Variants in CTU2 observed in about 807,000 individuals in gnomAD.
The protein encoded by CTU2 is cytoplasmic tRNA 2-thiolation protein 2.
In CTU2, 80 loss-of-function variants were observed where a neutral mutation model predicts 64.1. The observed-to-expected ratio is 1.25, with a 90% CI of 1.04 to 1.50. The LOEUF is 1.50. CTU2 is among the 40% of genes most tolerant of loss of function. CTU2 has a pLI of 0.00. For synonymous variants in CTU2, 482 were observed against 285.3 expected (o/e 1.69, Z -6.95); for missense variants, 1,110 against 690.2 (o/e 1.61, Z -6.81).
chr16:88,712,729 G>A lies in CTU2; in HGVS notation c.561G>A (p.Val187=), dbSNP rs1349204707. ...AVDSFLQQQH[V]LGAGGGPGPT... is the part of the protein sequence containing the mutation. ...ACAGCTTCCTCCAGCAGCAGCATGT[G>A]CTGGGGGCCGGGGGTGGTCCTGGCC... Residue 187 remains valine (V), a synonymous_variant, in exon 7 of 15, where the codon GTG becomes GTA. Transcript: ENST00000453996. 6 of 1,609,354 alleles carry A rather than the reference G, an allele frequency of 3.7e-6. No individual in the cohort carries two copies. Among genetic ancestry groups the A allele is most frequent in the Non-Finnish European group, 5.1e-6 (6 of 1,178,842 alleles).
intron 13 of CTU2, 39 bp from the exon 14 acceptor site, chr16:88,715,009 G>C: frequency 1.9e-6 from 3 of 1,590,940 alleles, no homozygotes; most frequent in South Asian, 1.1e-5. Context: ...GGGGGTGCTG[G>C]CAGGTTTCTT....
Position 88,709,949 on chromosome 16 carries a change from A to G in CTU2, c.155A>G (p.Lys52Arg). Residue 52 changes from lysine to arginine, a missense_variant, in exon 3 of 15, where the codon AAG becomes AGG. Physicochemically the swap from Lys to Arg is conservative, Grantham distance 26. Transcript: ENST00000453996. ...GGTCTGTGTTGCAGGGACTGTTTCAAGGCCTTCTACGTCCACAAGTTCAGA... is the reference window on the plus strand; with the variant it reads ...GGTCTGTGTTGCAGGGACTGTTTCAGGGCCTTCTACGTCCACAAGTTCAGA... The part of the protein sequence containing the change: ...AGDAFCRDCF[K>R]AFYVHKFRAM... The G allele has an allele frequency of 6.2e-7, 1 of 1,613,940 alleles. No homozygotes were observed. The highest frequency in any genetic ancestry group is 1.3e-5 in the African/African-American group (1 of 75,044).
rs572190306 is a variant in CTU2, at chr16:88,715,363, A to C, written c.*112A>C. The C allele has an allele frequency of 3.4e-5, 42 of 1,224,878 alleles. No homozygotes were observed. In the South Asian group the frequency reaches 5.9e-4, roughly 17 times the overall value. The allele number at this position is 1,224,878 out of a possible 1,614,324, so 75.9% of individuals were successfully genotyped here. ...TCTGATTGTCCATTTGTATAAATAA[A>C]ACATTTTTTAATTAAAAAAAAAACT... On this transcript the variant is annotated 3_prime_UTR_variant, in exon 15 of 15. Coordinates refer to ENST00000453996, the MANE Select transcript of CTU2 (RefSeq NM_001012759.3).
chr16:88,714,264 G>A, intron 10 of CTU2, 37 bp downstream of exon 10: 1 of 1,597,732 alleles, frequency 6.3e-7, no homozygotes, highest in East Asian at 2.2e-5. Flanking sequence ...GGGGTGCGCG[G>A]GTGTGTGCTG....
In CTU2 at chr16:88,707,230, G is replaced by A. The variant is rs1910940240; in HGVS notation, c.143+20G>A. 6.2e-7 allele frequency: 1 copy of A among 1,612,100 alleles called. No individual in the cohort carries two copies. Among genetic ancestry groups the A allele is most frequent in the Non-Finnish European group, 8.5e-7 (1 of 1,178,370 alleles). On this transcript the variant is annotated intron_variant, in intron 2 of 14. Transcript: ENST00000453996. ...CTGCAGGTGAGGCCTGGAGGTGGCTGAGACCCTGGCAAACATGGCCTCGCT... is the reference window on the plus strand; with the variant it reads ...CTGCAGGTGAGGCCTGGAGGTGGCTAAGACCCTGGCAAACATGGCCTCGCT...
In CTU2 at chr16:88,714,052, C is replaced by A. The variant is rs941752727; in HGVS notation, c.1006-84C>A. Reference sequence around the variant, plus strand: ...CCCATGTGGGCCAGCAGCGTGGAACCCACGGCACCTGTCCTGGGGACTCTG... The same window carrying A: ...CCCATGTGGGCCAGCAGCGTGGAACACACGGCACCTGTCCTGGGGACTCTG... On this transcript the variant is annotated intron_variant, in intron 9 of 14. Transcript: ENST00000453996. 1.8e-5 allele frequency: 24 copies of A among 1,361,626 alleles called. No homozygotes were observed. In the Middle Eastern group the frequency reaches 5.4e-4, roughly 31 times the overall value. The allele number at this position is 1,361,626 out of a possible 1,614,324, so 84.3% of individuals were successfully genotyped here. A position where few individuals can be genotyped will look rare whatever the true frequency, so the allele number is the denominator to read the frequency against.
intron 1 of CTU2, chr16:88,706,856 G>A: frequency 1.8e-6 from 1 of 559,910 alleles, no homozygotes; most frequent in Non-Finnish European, 3.2e-6. Context: ...GGAGAGAACT[G>A]GTGCCGTGAA....
intron 10 of CTU2, 73 bp downstream of exon 10, chr16:88,714,300 C>G: frequency 1.3e-6 from 2 of 1,595,248 alleles, no homozygotes; most frequent in South Asian, 2.2e-5. Flanking sequence ...GGGTGGTGAG[C>G]TCACCACTCG....
At chr16:88,709,156 C>G (rs1406523358) in intron 2 of CTU2, 1 of 152,222 alleles carries the variant, frequency 6.6e-6, no homozygotes, top group African/African-American at 2.4e-5. Flanking sequence ...ATATCTGTAA[C>G]CTGTAGTCCT....
intron 6 of CTU2, 48 bp from the exon 7 acceptor site, chr16:88,712,574 C>T: frequency 2.5e-6 from 4 of 1,585,156 alleles, no homozygotes; most frequent in Admixed American, 1.7e-5. Context: ...CTGTGGGGGG[C>T]ACCTGCCCGT....
At chr16:88,710,579 A>C (rs887520702) in intron 4 of CTU2, 137 of 395,142 alleles carry the variant, frequency 3.5e-4, no homozygotes, top group African/African-American at 1.1e-3. Flanking sequence ...GCAGGTGCAC[A>C]AATCAGAAGC....
chr16:88,708,737 A>C (rs991874795), intron 2 of CTU2, among the ~76,000 whole-genome samples: 2 of 152,150 alleles, frequency 1.3e-5, no homozygotes, highest in Non-Finnish European at 2.9e-5. Context: ...AGTGTGTCTG[A>C]CAGGAAGGAA....
chr16:88,713,828 G>A, intron 9 of CTU2, 50 bp downstream of exon 9: 2 of 1,607,570 alleles, frequency 1.2e-6, no homozygotes, highest in Non-Finnish European at 1.7e-6. Flanking sequence ...ACCGGGGTGG[G>A]CCATGTGGGC....
intron 5 of CTU2, 25 bp downstream of exon 5, chr16:88,711,720 A>G: frequency 3.8e-6 from 6 of 1,598,072 alleles, no homozygotes; most frequent in Admixed American, 1.7e-5. Flanking sequence ...TGCTCCTCCT[A>G]GTCCCTGGCC....
Position 88,709,940 on chromosome 16 carries a change from ACT to A in CTU2, c.147_148del (p.Asp49GlufsTer45). On this transcript the variant is annotated frameshift_variant, in exon 3 of 15. Coordinates refer to ENST00000453996, the MANE Select transcript of CTU2 (RefSeq NM_001012759.3). LOFTEE classifies it high-confidence loss of function. The stretch of plus-strand genomic sequence containing the variant: ...CTCATCTCAGGTCTGTGTTGCAGGG[ACT>A]GTTTCAAGGCCTTCTACGTCCACAA... 3.1e-6 allele frequency: 5 copies of A among 1,613,792 alleles called. No homozygotes were observed. Among genetic ancestry groups the A allele is most frequent in the Non-Finnish European group, 4.2e-6 (5 of 1,179,912 alleles).
Position 88,715,366 on chromosome 16 carries a change from A to AT in CTU2, c.*121dup, listed in dbSNP as rs1911905409. The AT allele has an allele frequency of 1.7e-6, 2 of 1,208,128 alleles. No homozygotes were observed. The highest frequency in any genetic ancestry group is 2.3e-6 in the Non-Finnish European group (2 of 879,556). The allele number at this position is 1,208,128 out of a possible 1,614,324, so 74.8% of individuals were successfully genotyped here. On this transcript the variant is annotated 3_prime_UTR_variant, in exon 15 of 15. Coordinates refer to ENST00000453996, the MANE Select transcript of CTU2 (RefSeq NM_001012759.3). ...GATTGTCCATTTGTATAAATAAAAC[A>AT]TTTTTTAATTAAAAAAAAAACTCTA...
At position 88,713,619 on chromosome 16, in the gene CTU2, T is replaced by C. The variant is rs751505072; in HGVS notation, c.874-28T>C. ...GGGCAAGCACATTCGGGCCTTGACC[T>C]GGACCACACAGCCCCTGCCTCCCGC... is the stretch of plus-strand genomic sequence containing the variant. On this transcript the variant is annotated intron_variant, in intron 8 of 14. Transcript: ENST00000453996. 1.3e-5 allele frequency: 21 copies of C among 1,606,178 alleles called. 1 individual carries two copies. The highest frequency in any genetic ancestry group is 4.3e-6 in the Non-Finnish European group (5 of 1,175,800).
chr16:88,714,068 G>T, intron 9 of CTU2, 68 bp from the exon 10 acceptor site: 1 of 1,473,504 alleles, frequency 6.8e-7, no homozygotes, highest in Non-Finnish European at 9.5e-7. Flanking sequence ...CACCTGTCCT[G>T]GGGACTCTGC....
chr16:88,707,083 G>T, intron 1 of CTU2, 53 bp from the exon 2 acceptor site: 1 of 1,575,162 alleles, frequency 6.3e-7, no homozygotes, highest in Non-Finnish European at 8.7e-7. Flanking sequence ...CCCACTAGGC[G>T]TGGGGAAGAT....
Sources: allele counts gnomAD v4.1 joint callset (sites outside exome capture counted in the v4.1 genomes callset), GRCh38; gene constraint gnomAD v4.1.1; transcripts MANE v1.5; gene names NCBI Gene and HGNC (gene_info 2026-07-23, HGNC 2026-07-21).